TSNARE1: variants seen among roughly 807,000 people sequenced by gnomAD.
TSNARE1 encodes the protein t-SNARE domain-containing protein 1.
In TSNARE1, 49 loss-of-function variants were observed where a neutral mutation model predicts 62.0. The ratio of observed to expected loss-of-function variants is 0.79; its 90% confidence interval spans 0.63 to 1.00. TSNARE1 has a LOEUF of 1.00. Among genes scored for constraint, TSNARE1 ranks in the 50% least tolerant of loss-of-function variants. TSNARE1 has a pLI of 0.00. For missense variants in TSNARE1, 755 were observed against 700.1 expected, an observed-to-expected ratio of 1.08 and a Z score of -0.88; for synonymous variants, 328 against 294.4, an observed-to-expected ratio of 1.11 and a Z score of -1.17.
intron 13 of TSNARE1, among the ~76,000 whole-genome samples, chr8:142,226,319 C>T (rs991873492): frequency 2.0e-5 from 3 of 152,130 alleles, no homozygotes; most frequent in Admixed American, 6.5e-5. Context: ...CATGGGCTTG[C>T]GCATACATGC....
intron 10 of TSNARE1, among the ~76,000 whole-genome samples, chr8:142,289,447 C>A (rs1242844509): frequency 6.6e-6 from 1 of 152,222 alleles, no homozygotes; most frequent in African/African-American, 2.4e-5. Flanking sequence ...CCCCACTATC[C>A]CTCCTGGCGA....
intron 1 of TSNARE1, among the ~76,000 whole-genome samples, chr8:142,391,260 A>C (rs9773499): frequency 1.1e-5 from 1 of 92,946 alleles, no homozygotes; most frequent in African/African-American, 4.1e-5. Context: ...TGGGGACTCT[A>C]TAACAGACGC....
intron 12 of TSNARE1, chr8:142,269,622 C>T: frequency 1.0e-6 from 1 of 985,372 alleles, no homozygotes; most frequent in Non-Finnish European, 1.2e-6. Context: ...AGCCACTGTG[C>T]CCAGGCCATG....
intron 11 of TSNARE1, chr8:142,277,957 A>C (rs1190948725): frequency 1.0e-6 from 1 of 984,936 alleles, no homozygotes; most frequent in African/African-American, 1.8e-5. Flanking sequence ...GCACCCCCAA[A>C]CCAGGTCTGC....
intron 12 of TSNARE1, among the ~76,000 whole-genome samples, chr8:142,230,472 T>G (rs1474983221): frequency 6.6e-6 from 1 of 152,046 alleles, no homozygotes; most frequent in Non-Finnish European, 1.5e-5. Flanking sequence ...AGTGTGTTGT[T>G]GGAGAGAGCA....
At chr8:142,329,714 G>A (rs576766584) in intron 6 of TSNARE1, among the ~76,000 whole-genome samples, 5 of 152,338 alleles carry the variant, frequency 3.3e-5, no homozygotes, top group African/African-American at 1.2e-4. Flanking sequence ...TGGGTGTGAG[G>A]AAGGCTGGAG....
intron 6 of TSNARE1, among the ~76,000 whole-genome samples, chr8:142,325,434 G>A (rs1036243682): frequency 6.6e-6 from 1 of 152,240 alleles, no homozygotes; most frequent in Admixed American, 6.5e-5. Context: ...TAGGGGTGGG[G>A]AGGCCAAGAG....
At chr8:142,276,053 C>T (rs761863439) in intron 11 of TSNARE1, 13 of 985,318 alleles carry the variant, frequency 1.3e-5, no homozygotes, top group Non-Finnish European at 1.6e-5. Context: ...TGGTCACCAG[C>T]TCCACCCCAC....
chr8:142,346,548 C>T (rs1480851593), intron 2 of TSNARE1, among the ~76,000 whole-genome samples: 1 of 152,278 alleles, frequency 6.6e-6, no homozygotes, highest in Admixed American at 6.5e-5. Flanking sequence ...TCCAGAACCA[C>T]GATGTGCCTT....
chr8:142,244,876 A>G (rs8180995), intron 12 of TSNARE1, among the ~76,000 whole-genome samples: 82,185 of 152,188 alleles, frequency 0.54, 22,841 homozygotes, highest in African/African-American at 0.65. Flanking sequence ...CCTGCAGCGG[A>G]AGGCATCGGC....
At chr8:142,387,717 C>T (rs1837206606) in intron 1 of TSNARE1, among the ~76,000 whole-genome samples, 1 of 151,996 alleles carries the variant, frequency 6.6e-6, no homozygotes, top group African/African-American at 2.4e-5. Context: ...AGAGTAATTT[C>T]CATAGGGAAA....
chr8:142,269,307 G>A (rs891011896), intron 12 of TSNARE1, among the ~76,000 whole-genome samples: 4 of 152,196 alleles, frequency 2.6e-5, no homozygotes, highest in African/African-American at 7.2e-5. Context: ...ACATAGTGCA[G>A]GAGCAGGATC....
At position 142,274,787 on chromosome 8, in the gene TSNARE1, C is replaced by A. The variant is rs768585841; in HGVS notation, c.1440G>T (p.Arg480=). 1.3e-6 allele frequency: 2 copies of A among 1,568,734 alleles called. No individual in the cohort carries two copies. Among genetic ancestry groups the A allele is most frequent in the Non-Finnish European group, 1.7e-6 (2 of 1,157,944 alleles). ...AARQLLAGAS[R]HQLQRHKIKC... ...GGCCCTCACACGGACTTACTTGGTGCCGGCTGGCTCCAGCCAGGAGCTGGC... is the reference window on the plus strand; with the variant it reads ...GGCCCTCACACGGACTTACTTGGTGACGGCTGGCTCCAGCCAGGAGCTGGC... The change falls in exon 12 of 14, where the codon CGG becomes CGT. Residue 480 remains arginine (R), a synonymous_variant. Transcript: ENST00000524325.
chr8:142,314,656 G>A (rs1294727142), intron 8 of TSNARE1, among the ~76,000 whole-genome samples: 1 of 152,186 alleles, frequency 6.6e-6, no homozygotes, highest in African/African-American at 2.4e-5. Flanking sequence ...GCCAGGGCCG[G>A]GGCTGAGCTC....
intron 1 of TSNARE1, among the ~76,000 whole-genome samples, chr8:142,382,002 AC>A (rs948431940): frequency 5.4e-5 from 8 of 149,482 alleles, no homozygotes; most frequent in African/African-American, 1.2e-4. Context: ...GGTACCTGAC[AC>A]CCCCCCTACA....
At chr8:142,256,376 C>T (rs867923548) in intron 12 of TSNARE1, among the ~76,000 whole-genome samples, 9 of 4,204 alleles carry the variant, frequency 2.1e-3, no homozygotes, top group Non-Finnish European at 4.7e-3. Flanking sequence ...ATCATCACCA[C>T]CATCATCATC....
chr8:142,229,755 T>C (rs898465644), intron 12 of TSNARE1, among the ~76,000 whole-genome samples, 176 bp from the exon 13 acceptor site: 2 of 152,280 alleles, frequency 1.3e-5, no homozygotes, highest in East Asian at 1.9e-4. Flanking sequence ...AGCATGACTG[T>C]TTATTGAATA....
At chr8:142,379,267 C>T (rs1836559447) in intron 1 of TSNARE1, among the ~76,000 whole-genome samples, 1 of 152,222 alleles carries the variant, frequency 6.6e-6, no homozygotes, top group Non-Finnish European at 1.5e-5. Context: ...GGCACCACAC[C>T]TCTGAGTAAG....
At chr8:142,298,205 C>T (rs1825089817) in intron 10 of TSNARE1, among the ~76,000 whole-genome samples, 2 of 152,264 alleles carry the variant, frequency 1.3e-5, no homozygotes, top group Admixed American at 1.3e-4. Flanking sequence ...CCAGGCCTCT[C>T]CATCTCTGAG....
Sources: gnomAD v4.1 joint callset for allele counts (sites outside exome capture counted in the v4.1 genomes callset) on GRCh38, gnomAD v4.1.1 for gene constraint, MANE v1.5 for transcripts, NCBI Gene and HGNC (gene_info 2026-07-23, HGNC 2026-07-21) for gene names.